BMERB1: variants seen among roughly 807,000 people sequenced by gnomAD.
The protein encoded by BMERB1 is bMERB domain containing 1, also known as bMERB domain-containing protein 1.
A neutral mutation model predicts 23.6 loss-of-function variants in BMERB1; 12 were observed. The ratio of observed to expected loss-of-function variants is 0.51; its 90% CI spans 0.33 to 0.82. The LOEUF is 0.82. Among genes scored for constraint, BMERB1 ranks in the 40% least tolerant of loss-of-function variants. The probability of loss-of-function intolerance (pLI) is 0.03; values close to 1 mark genes in which losing one functional copy is unlikely to be tolerated. For synonymous variants in BMERB1, 122 were observed against 96.6 expected (o/e 1.26, Z -1.54); for missense variants, 247 against 255.4 (o/e 0.97, Z 0.22).
At chr16:15,573,796 G>A (rs2030791169) in intron 3 of BMERB1, among the ~76,000 whole-genome samples, 1 of 151,424 alleles carries the variant, frequency 6.6e-6, no homozygotes, top group South Asian at 2.1e-4. Flanking sequence ...ACGGAAAGAG[G>A]TTTCATTGAC....
At chr16:15,497,517 C>T (rs945535965) in intron 1 of BMERB1, among the ~76,000 whole-genome samples, 3 of 152,170 alleles carry the variant, frequency 2.0e-5, no homozygotes, top group Non-Finnish European at 2.9e-5. Context: ...AAAAAACTGT[C>T]TATGGGACTA....
intron 1 of BMERB1, among the ~76,000 whole-genome samples, chr16:15,499,252 GTCA>G (rs2051503465): frequency 1.3e-5 from 2 of 151,994 alleles, no homozygotes; most frequent in Admixed American, 6.6e-5. Flanking sequence ...ACAAAAGTTA[GTCA>G]GGCGAAGTGG....
At chr16:15,477,090 T>A (rs2051281008) in intron 1 of BMERB1, among the ~76,000 whole-genome samples, 1 of 152,042 alleles carries the variant, frequency 6.6e-6, no homozygotes, top group Non-Finnish European at 1.5e-5. Flanking sequence ...ATTAGTCTGT[T>A]CTCATGCTGC....
chr16:15,586,720 C>A lies in BMERB1; in HGVS notation c.506C>A (p.Ser169Tyr). 1 of 1,608,196 alleles carries A rather than the reference C, an allele frequency of 6.2e-7. No homozygotes were observed. Among genetic ancestry groups the A allele is most frequent in the Non-Finnish European group, 8.5e-7 (1 of 1,177,756 alleles). Reference sequence around the variant, plus strand: ...CTGTGCCCACATCTTGCTGCAGGCTCCCGGGCAGAGAAGAAAGCAGAGCCC... The same window carrying A: ...CTGTGCCCACATCTTGCTGCAGGCTACCGGGCAGAGAAGAAAGCAGAGCCC... ...LDKVTKSPAS[S>Y]RAEKKAEPPP... Residue 169 changes from serine (S) to tyrosine (Y), a missense_variant, in exon 6 of 6, where the codon TCC becomes TAC. Physicochemically the swap from Ser to Tyr is moderately radical, Grantham distance 144 (BLOSUM62 -2). Coordinates refer to ENST00000300006, the MANE Select transcript of BMERB1 (RefSeq NM_033201.3).
intron 1 of BMERB1, among the ~76,000 whole-genome samples, chr16:15,509,719 ATC>A (rs1344975512): frequency 6.6e-6 from 1 of 152,104 alleles, no homozygotes; most frequent in Non-Finnish European, 1.5e-5. Flanking sequence ...TGTGTGCAGG[ATC>A]TCAAGCCCCT....
At chr16:15,504,762 A>C (rs2051567555) in intron 1 of BMERB1, among the ~76,000 whole-genome samples, 1 of 145,554 alleles carries the variant, frequency 6.9e-6, no homozygotes, top group Non-Finnish European at 1.5e-5. Context: ...CACATTTTCT[A>C]GAAATATAAA....
intron 1 of BMERB1, among the ~76,000 whole-genome samples, chr16:15,436,454 T>TC (rs755426341): frequency 7.2e-5 from 11 of 152,076 alleles, no homozygotes; most frequent in Non-Finnish European, 1.3e-4. Flanking sequence ...AGATGGGGTT[T>TC]CACCATGTTG....
intron 1 of BMERB1, among the ~76,000 whole-genome samples, chr16:15,453,286 G>A (rs561924815): frequency 2.6e-5 from 4 of 152,238 alleles, no homozygotes; most frequent in African/African-American, 9.6e-5. Context: ...TATAAAAGAG[G>A]GCAAATGTCA....
At chr16:15,497,469 A>G (rs1219701087) in intron 1 of BMERB1, among the ~76,000 whole-genome samples, 1 of 152,212 alleles carries the variant, frequency 6.6e-6, no homozygotes, top group Admixed American at 6.5e-5. Context: ...TCAAGAGTTA[A>G]GACCAGAAAG....
chr16:15,502,341 A>T (rs1355815406), intron 1 of BMERB1: 2 of 1,551,312 alleles, frequency 1.3e-6, no homozygotes, highest in Admixed American at 3.9e-5. Flanking sequence ...GACCTCACAG[A>T]GACGGGATGT....
In BMERB1 at chr16:15,583,076, A is replaced by G. The variant is rs150558059; in HGVS notation, c.420-80A>G. ...ATCCACAAAGCCTGTTGCTTAACCT[A>G]TTGGTTTATTTCATTGGTTCCTTGA... is the stretch of plus-strand genomic sequence containing the variant. On this transcript the variant is annotated intron_variant, in intron 4 of 5. Coordinates refer to ENST00000300006, the MANE Select transcript of BMERB1 (RefSeq NM_033201.3). 353 of 1,069,156 alleles carry G rather than the reference A, an allele frequency of 3.3e-4. 1 individual carries two copies. The highest frequency in any genetic ancestry group is 4.8e-4 in the Non-Finnish European group (328 of 684,784). The allele number at this position is 1,069,156 out of a possible 1,614,324, so 66.2% of individuals were successfully genotyped here.
intron 3 of BMERB1, among the ~76,000 whole-genome samples, chr16:15,569,756 G>C (rs549942678): frequency 6.6e-6 from 1 of 152,264 alleles, no homozygotes; most frequent in East Asian, 1.9e-4. Flanking sequence ...TCAAAAGGCT[G>C]ATCTTAGATT....
intron 3 of BMERB1, among the ~76,000 whole-genome samples, chr16:15,579,497 CCTGGTT>C (rs1239422638): frequency 9.2e-5 from 14 of 152,104 alleles, no homozygotes; most frequent in Non-Finnish European, 1.6e-4. Flanking sequence ...TCTCCTTACC[CCTGGTT>C]CTGCTTCCAG....
At chr16:15,528,799 G>A in intron 2 of BMERB1, among the ~76,000 whole-genome samples, 1 of 152,034 alleles carries the variant, frequency 6.6e-6, no homozygotes, top group East Asian at 1.9e-4. Flanking sequence ...ATATCAAGAG[G>A]TGGGGCTTTC....
chr16:15,558,168 G>A (rs770108825), intron 2 of BMERB1, among the ~76,000 whole-genome samples: 3 of 152,106 alleles, frequency 2.0e-5, no homozygotes, highest in Non-Finnish European at 2.9e-5. Flanking sequence ...GCCCTAGATA[G>A]CGAACCTGTC....
intron 1 of BMERB1, among the ~76,000 whole-genome samples, chr16:15,491,324 T>A (rs1436205375): frequency 6.6e-6 from 1 of 152,150 alleles, no homozygotes; most frequent in Non-Finnish European, 1.5e-5. Context: ...TAGATCACAC[T>A]CTCATGGGAA....
intron 2 of BMERB1, among the ~76,000 whole-genome samples, chr16:15,521,170 A>G (rs1294212089): frequency 1.3e-5 from 2 of 152,350 alleles, no homozygotes; most frequent in East Asian, 1.9e-4. Context: ...CTTCCTTGGC[A>G]ATACTCATCT....
chr16:15,580,815 G>T lies in BMERB1; in HGVS notation c.305-402G>T, dbSNP rs566331694. On this transcript the variant is annotated intron_variant, in intron 3 of 5. Transcript: ENST00000300006. ...CCACCTTGGCCTCCCAAAGTGCTGG[G>T]ATTACAGGTGTGAGCCACCGCACCC... Among the ~76,000 whole-genome samples the T allele has an allele frequency of 5.3e-5, 8 of 151,106 alleles. No homozygotes were observed. The East Asian group carries it at 1.2e-3, about 22-fold the overall frequency.
At chr16:15,470,687 G>A (rs1428514747) in intron 1 of BMERB1, among the ~76,000 whole-genome samples, 23 of 151,216 alleles carry the variant, frequency 1.5e-4, no homozygotes, top group Middle Eastern at 3.4e-3. Context: ...CACCACGCCT[G>A]GCTAATTTTT....
Sources: gnomAD v4.1 joint callset for allele counts (sites outside exome capture counted in the v4.1 genomes callset) on GRCh38, gnomAD v4.1.1 for gene constraint, MANE v1.5 for transcripts, NCBI Gene and HGNC (gene_info 2026-07-23, HGNC 2026-07-21) for gene names.